The following RP1L1 variants were observed in gnomAD, a reference collection of about 807,000 sequenced individuals.
RP1L1 encodes retinitis pigmentosa 1-like 1 protein.
RP1L1 carries 27 observed loss-of-function variants against 15.7 expected under a neutral mutation model. The observed-to-expected ratio is 1.72, with a 90% CI of 1.27 to 2.38. RP1L1 has a LOEUF of 2.38. Among genes scored for constraint, RP1L1 ranks in the 30% most tolerant of loss-of-function variants. The pLI is 0.00. For synonymous variants in RP1L1, 1,813 were observed against 1,276.7 expected, an observed-to-expected ratio of 1.42 and a Z score of -8.96; for missense variants, 4,798 against 3,075.9, an observed-to-expected ratio of 1.56 and a Z score of -13.24.
chr8:10,635,095 G>A (rs1413881818), intron 1 of RP1L1, among the ~76,000 whole-genome samples: 3 of 152,196 alleles, frequency 2.0e-5, no homozygotes, highest in Non-Finnish European at 4.4e-5. Context: ...CAATGGAACC[G>A]GGGAGGGAAC....
In RP1L1 at chr8:10,609,056, C is replaced by T. The variant is rs189668916; in HGVS notation, c.5042G>A (p.Gly1681Asp). 5 of 1,613,840 alleles carry T rather than the reference C, an allele frequency of 3.1e-6. No individual in the cohort carries two copies. In the South Asian group the frequency reaches 4.4e-5, roughly 14 times the overall value. Residue 1681 changes from glycine to aspartate, a missense_variant, in exon 4 of 4, where the codon GGT (glycine) becomes GAT (aspartate). Gly to Asp is a moderately conservative substitution (Grantham distance 94). Transcript: ENST00000382483. ...SPKATMGATR[G>D]PIKEAFDLQQ... Reference sequence around the variant, plus strand: ...CAGGTCAAAGGCCTCTTTGATGGGACCTCTGGTTGCCCCCATTGTGGCCTT... The same window carrying T: ...CAGGTCAAAGGCCTCTTTGATGGGATCTCTGGTTGCCCCCATTGTGGCCTT...
chr8:10,641,496 TA>T (rs1798406350), intron 1 of RP1L1, among the ~76,000 whole-genome samples: 1 of 152,200 alleles, frequency 6.6e-6, no homozygotes, highest in Non-Finnish European at 1.5e-5. Flanking sequence ...AAAAACGAAA[TA>T]CACATTTTAA....
chr8:10,644,801 A>G (rs1204708821), intron 1 of RP1L1, among the ~76,000 whole-genome samples: 3 of 152,122 alleles, frequency 2.0e-5, no homozygotes, highest in Non-Finnish European at 4.4e-5. Context: ...TTTATAATAT[A>G]TTTCTGGTGC....
intron 1 of RP1L1, among the ~76,000 whole-genome samples, chr8:10,631,279 GC>G (rs1563135184): frequency 1.4e-5 from 2 of 143,832 alleles, no homozygotes; most frequent in African/African-American, 5.2e-5. Context: ...AAACACGCAT[GC>G]ACACACACGC....
intron 1 of RP1L1, among the ~76,000 whole-genome samples, chr8:10,647,328 T>C (rs1798494639): frequency 5.9e-5 from 9 of 152,230 alleles, no homozygotes; most frequent in Admixed American, 4.6e-4. Context: ...TTTTATTTTT[T>C]TAATTGTGGT....
At chr8:10,627,074 G>A (rs921621922) in intron 1 of RP1L1, among the ~76,000 whole-genome samples, 2 of 152,136 alleles carry the variant, frequency 1.3e-5, no homozygotes, top group African/African-American at 4.8e-5. Context: ...AAACAGTATG[G>A]CGGGTCCTCA....
intron 1 of RP1L1, among the ~76,000 whole-genome samples, chr8:10,652,315 G>A (rs1023864482): frequency 6.6e-6 from 1 of 152,092 alleles, no homozygotes; most frequent in African/African-American, 2.4e-5. Flanking sequence ...TAGAACTTAG[G>A]GCCCCAGCTA....
At chr8:10,634,577 C>T (rs1798301715) in intron 1 of RP1L1, among the ~76,000 whole-genome samples, 1 of 152,178 alleles carries the variant, frequency 6.6e-6, no homozygotes, top group Non-Finnish European at 1.5e-5. Context: ...CCCAGCGTTC[C>T]TGGCATTGTT....
Position 10,606,489 on chromosome 8 carries a change from A to C in RP1L1, c.*406T>G, listed in dbSNP as rs908950555. 1 of 203,106 alleles carries C rather than the reference A, an allele frequency of 4.9e-6. No individual in the cohort carries two copies. Among genetic ancestry groups the C allele is most frequent in the Non-Finnish European group, 1.0e-5 (1 of 99,722 alleles). The allele number at this position is 203,106 out of a possible 1,614,324, so 12.6% of individuals were successfully genotyped here. A position where few individuals can be genotyped will look rare whatever the true frequency, so the allele number is the denominator to read the frequency against. On this transcript the variant is annotated 3_prime_UTR_variant, in exon 4 of 4. Transcript: ENST00000382483. ...ATGAGGTGAGTGCCAACAGAAGCCA[A>C]GGAGAAAAGTAACAGGAGATCAACA...
chr8:10,638,863 G>C (rs192110696), intron 1 of RP1L1, among the ~76,000 whole-genome samples: 267 of 152,238 alleles, frequency 1.8e-3, no homozygotes, highest in African/African-American at 6.0e-3. Flanking sequence ...AAGCAAGCAC[G>C]GCCAGGCATG....
At chr8:10,633,247 G>C (rs62492264) in intron 1 of RP1L1, among the ~76,000 whole-genome samples, 32,877 of 152,026 alleles carry the variant, frequency 0.22, 4,079 homozygotes, top group Non-Finnish European at 0.27. Flanking sequence ...GTCAGGGATG[G>C]GGAAGCAGAG....
chr8:10,625,194 C>G (rs889264252), intron 1 of RP1L1, among the ~76,000 whole-genome samples: 1 of 152,180 alleles, frequency 6.6e-6, no homozygotes. Flanking sequence ...GAAGACCTGA[C>G]CTCTTAACAA....
In RP1L1 at chr8:10,612,008, T is replaced by G. The variant is rs1372919476; in HGVS notation, c.2090A>C (p.Gln697Pro). The G allele has an allele frequency of 2.0e-5, 33 of 1,613,762 alleles. No homozygotes were observed. The highest frequency in any genetic ancestry group is 2.6e-5 in the Non-Finnish European group (31 of 1,180,040). Residue 697 changes from glutamine to proline, a missense_variant, in exon 4 of 4, where the codon CAG (glutamine) becomes CCG (proline). Transcript: ENST00000382483. ...AGAATATCGTGGCACTGAGCCATCC[T>G]GGCAGGCCCTTCGCCGCTCAGGAGG... The part of the protein sequence containing the change: ...PRPPERRRAC[Q>P]DGSVPRYSGS...
intron 1 of RP1L1, among the ~76,000 whole-genome samples, chr8:10,648,901 C>T (rs1025384584): frequency 1.9e-4 from 29 of 152,232 alleles, no homozygotes; most frequent in African/African-American, 5.8e-4. Flanking sequence ...CTCATCCTCA[C>T]GGCTTTCCCA....
chr8:10,629,750 T>A (rs1347671180), intron 1 of RP1L1, among the ~76,000 whole-genome samples: 2 of 152,056 alleles, frequency 1.3e-5, no homozygotes, highest in Non-Finnish European at 2.9e-5. Flanking sequence ...TGTCCCCAGC[T>A]CCTCCTGTCT....
intron 1 of RP1L1, among the ~76,000 whole-genome samples, chr8:10,644,763 C>T (rs1287083421): frequency 2.0e-5 from 3 of 152,196 alleles, no homozygotes; most frequent in South Asian, 2.1e-4. Context: ...AGCCAGGGCT[C>T]GCCCTGCAGA....
Position 10,613,091 on chromosome 8 carries a change from G to T in RP1L1, c.1007C>A (p.Thr336Lys), listed in dbSNP as rs201195142. ...KVRFHLVGED[T>K]LLWSRRMGRA... Reference sequence around the variant, plus strand: ...GCCCATCCTCCGGGACCATAGGAGCGTGTCCTCGCCGACCAGGTGGAAGCG... The same window carrying T: ...GCCCATCCTCCGGGACCATAGGAGCTTGTCCTCGCCGACCAGGTGGAAGCG... Residue 336 changes from threonine (T) to lysine (K), a missense_variant, in exon 4 of 4, where the codon ACG (threonine) becomes AAG (lysine). By Grantham distance (78) the Thr-to-Lys change is moderately conservative. Transcript: ENST00000382483. The T allele has an allele frequency of 6.2e-7, 1 of 1,613,874 alleles. No homozygotes were observed. Among genetic ancestry groups the T allele is most frequent in the East Asian group, 2.2e-5 (1 of 44,874 alleles).
At chr8:10,629,924 G>A (rs1386255304) in intron 1 of RP1L1, among the ~76,000 whole-genome samples, 2 of 152,070 alleles carry the variant, frequency 1.3e-5, no homozygotes, top group Admixed American at 6.5e-5. Flanking sequence ...CCCTACTCCC[G>A]CATGGCCCTG....
chr8:10,645,049 G>C (rs1563140612), intron 1 of RP1L1, among the ~76,000 whole-genome samples: 1 of 152,190 alleles, frequency 6.6e-6, no homozygotes, highest in Non-Finnish European at 1.5e-5. Context: ...ATGTAGGATT[G>C]GGCATGGTGG....
Sources: allele counts gnomAD v4.1 joint callset (sites outside exome capture counted in the v4.1 genomes callset), GRCh38; gene constraint gnomAD v4.1.1; transcripts MANE v1.5; gene names NCBI Gene and HGNC (gene_info 2026-07-23, HGNC 2026-07-21).